Variants in PGBD2 observed in about 807,000 individuals in gnomAD.
PGBD2 encodes the protein piggyBac transposable element derived 2, also known as piggyBac transposable element-derived protein 2.
In PGBD2, 6 loss-of-function variants were observed where a neutral mutation model predicts 8.1. The ratio of observed to expected loss-of-function variants is 0.74; its 90% CI spans 0.40 to 1.46. The LOEUF is 1.46. Among genes scored for constraint, PGBD2 ranks in the 40% most tolerant of loss-of-function variants. PGBD2 has a pLI of 0.02. For missense variants in PGBD2, 802 were observed against 739.0 expected (o/e 1.09, Z -0.99); for synonymous variants, 318 against 272.2 (o/e 1.17, Z -1.66).
At chr1:248,904,885 GTCTGGTTC>G (rs1197001610), upstream of PGBD2, among the ~76,000 whole-genome samples, 3 of 152,060 alleles carry the variant, frequency 2.0e-5, no homozygotes, top group Non-Finnish European at 4.4e-5. Flanking sequence ...TTTGTTTACT[GTCTGGTTC>G]TCCCACTGAA....
intron 1 of PGBD2, 45 bp from the exon 2 acceptor site, chr1:248,913,771 C>T: frequency 2.9e-6 from 3 of 1,019,796 alleles, no homozygotes; most frequent in Middle Eastern, 2.1e-4. Context: ...TGCCTTGCTT[C>T]TTAAGATACA....
At position 248,916,874 on chromosome 1, in the gene PGBD2, C is replaced by T. The variant is rs1274326450; in HGVS notation, c.290C>T (p.Pro97Leu). 1.9e-6 allele frequency: 3 copies of T among 1,614,072 alleles called. No individual in the cohort carries two copies. The highest frequency in any genetic ancestry group is 2.2e-5 in the East Asian group (1 of 44,872). Residue 97 changes from proline to leucine, a missense_variant, in exon 3 of 3, where the codon CCA becomes CTA. By Grantham distance (98) the Pro-to-Leu change is moderately conservative. Coordinates refer to ENST00000329291, the MANE Select transcript of PGBD2 (RefSeq NM_170725.3). ...GATAATGACGACCTGGAGCTGCAGC[C>T]AGCCAAGAAGAGGCAGAAAGCAGTT... Reference protein sequence around the residue: ...GEDNDDLELQPAKKRQKAVVK... With the variant: ...GEDNDDLELQLAKKRQKAVVK...
chr1:248,886,584 T>C, the PGBD2 span, among the ~76,000 whole-genome samples: 2 of 152,198 alleles, frequency 1.3e-5, no homozygotes, highest in Non-Finnish European at 1.5e-5. Flanking sequence ...AATCTGATTT[T>C]CATGTTGGAG....
At chr1:248,884,893 A>G in the PGBD2 span, among the ~76,000 whole-genome samples, 1 of 152,178 alleles carries the variant, frequency 6.6e-6, no homozygotes, top group Admixed American at 6.5e-5. Flanking sequence ...GGTCTTGTTT[A>G]TAATTTGATA....
the PGBD2 span, among the ~76,000 whole-genome samples, chr1:248,876,706 A>G: frequency 6.6e-6 from 1 of 152,164 alleles, no homozygotes; most frequent in Non-Finnish European, 1.5e-5. Context: ...CTTTATCCGT[A>G]TTTATTTTAG....
At chr1:248,915,804 G>C (rs544516816) in intron 2 of PGBD2, among the ~76,000 whole-genome samples, 58 of 152,318 alleles carry the variant, frequency 3.8e-4, no homozygotes, top group Admixed American at 6.5e-4. Context: ...GGTAGTGAGA[G>C]TTCAAGTTGG....
At chr1:248,914,680 C>T in intron 2 of PGBD2, 2 of 1,072,476 alleles carry the variant, frequency 1.9e-6, no homozygotes, top group South Asian at 1.4e-5. Flanking sequence ...TCTGTGCCTA[C>T]CCTCCATGCT....
chr1:248,895,226 G>T, the PGBD2 span, among the ~76,000 whole-genome samples: 10 of 152,166 alleles, frequency 6.6e-5, no homozygotes. Context: ...GAAGCCAGAG[G>T]AGTGTGACTG....
At chr1:248,902,244 G>A (rs1412707502), upstream of PGBD2, among the ~76,000 whole-genome samples, 2 of 150,834 alleles carry the variant, frequency 1.3e-5, no homozygotes, top group Admixed American at 1.3e-4. Context: ...ACTCCAGCCT[G>A]GACAACAGAG....
At chr1:248,921,297 C>A (rs1662281506), downstream of PGBD2, among the ~76,000 whole-genome samples, 1 of 152,122 alleles carries the variant, frequency 6.6e-6, no homozygotes, top group Non-Finnish European at 1.5e-5. Flanking sequence ...GTCTTTGATC[C>A]ATCTTGAGTT....
chr1:248,875,378 C>T, the PGBD2 span, among the ~76,000 whole-genome samples: 2 of 149,668 alleles, frequency 1.3e-5, no homozygotes, highest in Non-Finnish European at 3.0e-5. Context: ...GTCCCCCCAA[C>T]TTGAAAGTCA....
At chr1:248,876,775 A>T in the PGBD2 span, among the ~76,000 whole-genome samples, 55 of 152,356 alleles carry the variant, frequency 3.6e-4, no homozygotes, top group African/African-American at 1.3e-3. Context: ...TACATCTCTG[A>T]AATAAAAGTT....
intron 1 of PGBD2, among the ~76,000 whole-genome samples, chr1:248,910,533 A>G (rs1352793525): frequency 6.6e-6 from 1 of 152,236 alleles, no homozygotes; most frequent in Non-Finnish European, 1.5e-5. Context: ...AAAATCGCAC[A>G]GCTCATCGCT....
At position 248,916,866 on chromosome 1, in the gene PGBD2, G is replaced by T. The variant is rs1662116176; in HGVS notation, c.282G>T (p.Glu94Asp). The T allele has an allele frequency of 1.2e-6, 2 of 1,614,126 alleles. No homozygotes were observed. Among genetic ancestry groups the T allele is most frequent in the South Asian group, 2.2e-5 (2 of 91,080 alleles). Residue 94 changes from glutamate to aspartate, a missense_variant, in exon 3 of 3, where the codon GAG becomes GAT. Glu to Asp is a conservative substitution (Grantham distance 45). Transcript: ENST00000329291. Reference protein sequence around the residue: ...SGTGEDNDDLELQPAKKRQKA... With the variant: ...SGTGEDNDDLDLQPAKKRQKA... ...CCGGGGAGGATAATGACGACCTGGA[G>T]CTGCAGCCAGCCAAGAAGAGGCAGA...
the PGBD2 span, among the ~76,000 whole-genome samples, chr1:248,886,978 A>G: frequency 3.9e-5 from 6 of 152,114 alleles, no homozygotes; most frequent in Non-Finnish European, 8.8e-5. Context: ...TATGATATAT[A>G]TTGTACTCAG....
upstream of PGBD2, among the ~76,000 whole-genome samples, chr1:248,904,066 CTTTT>C (rs1201521447): frequency 7.2e-6 from 1 of 138,104 alleles, no homozygotes; most frequent in South Asian, 2.1e-4. Context: ...CCATTTTCTT[CTTTT>C]TATGTTTTTT....
intron 1 of PGBD2, among the ~76,000 whole-genome samples, chr1:248,910,927 G>A (rs951499689): frequency 2.0e-5 from 3 of 151,564 alleles, no homozygotes; most frequent in East Asian, 1.9e-4. Context: ...GATGAGTTTC[G>A]GCATGTGACC....
downstream of PGBD2, among the ~76,000 whole-genome samples, chr1:248,923,873 C>G (rs1208203555): frequency 6.6e-6 from 1 of 152,180 alleles, no homozygotes; most frequent in Non-Finnish European, 1.5e-5. Context: ...GACCTCACTC[C>G]AGAGAGAGGA....
At chr1:248,888,159 C>T in the PGBD2 span, among the ~76,000 whole-genome samples, 3 of 152,116 alleles carry the variant, frequency 2.0e-5, no homozygotes, top group African/African-American at 4.8e-5. Flanking sequence ...TGCAATCCAC[C>T]GTGGATGGTC....
Sources: allele counts gnomAD v4.1 joint callset (sites outside exome capture counted in the v4.1 genomes callset), GRCh38; gene constraint gnomAD v4.1.1; transcripts MANE v1.5; gene names NCBI Gene and HGNC (gene_info 2026-07-23, HGNC 2026-07-21).